CHCHD6: variants seen among roughly 807,000 people sequenced by gnomAD.
CHCHD6 encodes coiled-coil-helix-coiled-coil-helix domain containing 6.
Under a neutral mutation model 32.3 loss-of-function variants are expected in CHCHD6, and 28 were observed. The ratio of observed to expected loss-of-function variants is 0.87; its 90% CI spans 0.64 to 1.19. The LOEUF (loss-of-function observed/expected upper bound fraction) is 1.19. Ranked by LOEUF, CHCHD6 falls within the 50% of genes most tolerant of loss-of-function variation. The pLI is 0.00. For synonymous variants in CHCHD6, 122 were observed against 117.5 expected, an observed-to-expected ratio of 1.04 and a Z score of -0.25; for missense variants, 333 against 307.0, an observed-to-expected ratio of 1.08 and a Z score of -0.63.
At chr3:126,902,540 C>T (rs2077943707) in intron 5 of CHCHD6, among the ~76,000 whole-genome samples, 1 of 151,902 alleles carries the variant, frequency 6.6e-6, no homozygotes, top group South Asian at 2.1e-4. Context: ...CATGGTGAAA[C>T]CCTGTCTCTA....
Position 126,777,748 on chromosome 3 carries a change from A to G in CHCHD6, c.411+44526A>G, listed in dbSNP as rs182221268. Among the ~76,000 whole-genome samples, 23 of 152,358 alleles carry G rather than the reference A, an allele frequency of 1.5e-4. No individual in the cohort carries two copies. In the East Asian group the frequency reaches 2.7e-3, roughly 18 times the overall value. Reference sequence around the variant, plus strand: ...TCTCCATTTTCAAAGCTTAAAGAAAACTGGTTTTATTTTAACAGCTTTATT... The same window carrying G: ...TCTCCATTTTCAAAGCTTAAAGAAAGCTGGTTTTATTTTAACAGCTTTATT... On this transcript the variant is annotated intron_variant, in intron 4 of 7. Coordinates refer to ENST00000290913, the MANE Select transcript of CHCHD6 (RefSeq NM_032343.3).
At chr3:126,725,704 T>C (rs1383290946) in intron 1 of CHCHD6, among the ~76,000 whole-genome samples, 3 of 152,240 alleles carry the variant, frequency 2.0e-5, no homozygotes. Context: ...TGATCTTACA[T>C]AGATCTTCTG....
chr3:126,751,662 T>A (rs972191317), intron 4 of CHCHD6, among the ~76,000 whole-genome samples: 1 of 152,104 alleles, frequency 6.6e-6, no homozygotes, highest in Non-Finnish European at 1.5e-5. Context: ...TTATTCTTCT[T>A]TTGTTATGTC....
At chr3:126,799,865 T>C (rs1004663376) in intron 4 of CHCHD6, among the ~76,000 whole-genome samples, 7 of 152,232 alleles carry the variant, frequency 4.6e-5, no homozygotes, top group African/African-American at 1.4e-4. Flanking sequence ...TGGGTCTTAC[T>C]TCATATGTTG....
chr3:126,776,319 A>C (rs928822857), intron 4 of CHCHD6, among the ~76,000 whole-genome samples: 1 of 152,208 alleles, frequency 6.6e-6, no homozygotes, highest in Non-Finnish European at 1.5e-5. Context: ...AAAGTTGTAT[A>C]TATGTACTTC....
intron 4 of CHCHD6, among the ~76,000 whole-genome samples, chr3:126,759,689 A>G (rs1937092823): frequency 6.6e-6 from 1 of 152,180 alleles, no homozygotes; most frequent in Admixed American, 6.5e-5. Context: ...TCACTGTATT[A>G]TATCAGGAGA....
chr3:126,782,156 T>C (rs1316700858), intron 4 of CHCHD6, among the ~76,000 whole-genome samples: 6 of 152,224 alleles, frequency 3.9e-5, no homozygotes. Context: ...CAATGATTAA[T>C]TGCCCTTTCT....
chr3:126,828,952 A>G (rs562025074), intron 4 of CHCHD6, among the ~76,000 whole-genome samples: 9 of 151,406 alleles, frequency 5.9e-5, no homozygotes, highest in South Asian at 4.2e-4. Flanking sequence ...TTTTTTTCCT[A>G]TTGTTTGCTT....
At chr3:126,914,254 T>A (rs2078136974) in intron 5 of CHCHD6, among the ~76,000 whole-genome samples, 1 of 152,222 alleles carries the variant, frequency 6.6e-6, no homozygotes, top group Non-Finnish European at 1.5e-5. Context: ...TGAGAAATTT[T>A]TTTCTTTAAA....
At chr3:126,856,329 G>A (rs964099289) in intron 5 of CHCHD6, among the ~76,000 whole-genome samples, 3 of 152,128 alleles carry the variant, frequency 2.0e-5, no homozygotes, top group South Asian at 2.1e-4. Context: ...CACAAGGGCC[G>A]GTGGTTCAGA....
At chr3:126,808,563 A>G (rs781507290) in intron 4 of CHCHD6, among the ~76,000 whole-genome samples, 7 of 152,202 alleles carry the variant, frequency 4.6e-5, no homozygotes, top group African/African-American at 1.2e-4. Context: ...ACACTTTTGT[A>G]CACAGTGATA....
At chr3:126,944,364 A>G (rs768022474) in intron 6 of CHCHD6, among the ~76,000 whole-genome samples, 1 of 152,030 alleles carries the variant, frequency 6.6e-6, no homozygotes, top group Non-Finnish European at 1.5e-5. Flanking sequence ...TGGAGCCCCA[A>G]TGACTTAATT....
At chr3:126,715,711 A>C (rs1001566870) in intron 1 of CHCHD6, among the ~76,000 whole-genome samples, 14 of 143,900 alleles carry the variant, frequency 9.7e-5, no homozygotes, top group African/African-American at 3.1e-4. Flanking sequence ...AGCCATACTC[A>C]GGGCCTTGCT....
At chr3:126,779,420 C>G (rs1009880779) in intron 4 of CHCHD6, among the ~76,000 whole-genome samples, 4 of 151,856 alleles carry the variant, frequency 2.6e-5, no homozygotes, top group African/African-American at 7.3e-5. Context: ...GCCTGTACTC[C>G]CAGCTACTCA....
At chr3:126,749,812 G>C (rs571307193) in intron 4 of CHCHD6, among the ~76,000 whole-genome samples, 1 of 152,350 alleles carries the variant, frequency 6.6e-6, no homozygotes, top group South Asian at 2.1e-4. Flanking sequence ...CCAGAAGATA[G>C]TCACATGACC....
At chr3:126,891,070 G>T (rs1461724375) in intron 5 of CHCHD6, among the ~76,000 whole-genome samples, 2 of 152,164 alleles carry the variant, frequency 1.3e-5, no homozygotes, top group Non-Finnish European at 2.9e-5. Context: ...GTGTGCTGGG[G>T]AGTTAGCAAT....
chr3:126,767,257 GTC>G (rs1367382703), intron 4 of CHCHD6: 1 of 1,403,316 alleles, frequency 7.1e-7, no homozygotes, highest in Non-Finnish European at 1.0e-6. Context: ...TGGGGATAGT[GTC>G]TGTCAGGTTG....
Position 126,852,707 on chromosome 3 carries a change from C to G in CHCHD6, c.472C>G (p.Gln158Glu), listed in dbSNP as rs541812887. Residue 158 changes from glutamine to glutamate, a missense_variant, in exon 5 of 8, where the codon CAG becomes GAG. Physicochemically the swap from Gln to Glu is conservative, Grantham distance 29. Coordinates refer to ENST00000290913, the MANE Select transcript of CHCHD6 (RefSeq NM_032343.3). ...LRRRDTFYKE[Q>E]LERIERKNAE... ...ACGCCGTGACACCTTCTACAAGGAG[C>G]AGCTGGAGCGTATTGAGAGGAAGGT... 3.7e-6 allele frequency: 6 copies of G among 1,613,108 alleles called. No individual in the cohort carries two copies. In the African/African-American group the frequency reaches 8.0e-5, roughly 22 times the overall value.
chr3:126,915,322 C>G lies in CHCHD6; in HGVS notation c.566+572C>G, dbSNP rs377294441. On this transcript the variant is annotated intron_variant, in intron 6 of 7. Coordinates refer to ENST00000290913, the MANE Select transcript of CHCHD6 (RefSeq NM_032343.3). ...GTCCCCTGTCTGTGGTGCTCCTATG[C>G]TGTCCATTGAGGACTCAGCTGGAAC... is the stretch of plus-strand genomic sequence containing the variant. 9.2e-5 allele frequency among the ~76,000 whole-genome samples: 14 copies of G among 152,330 alleles called. No individual in the cohort carries two copies. The East Asian group carries it at 2.1e-3, about 23-fold the overall frequency.
Sources: gnomAD v4.1 joint callset for allele counts (sites outside exome capture counted in the v4.1 genomes callset) on GRCh38, gnomAD v4.1.1 for gene constraint, MANE v1.5 for transcripts, NCBI Gene and HGNC (gene_info 2026-07-23, HGNC 2026-07-21) for gene names.